The following VAX1 variants were observed in gnomAD, a reference collection of about 807,000 sequenced individuals.
VAX1 encodes the protein ventral anterior homeobox 1.
In VAX1, 6 loss-of-function variants were observed where a neutral mutation model predicts 17.6. The ratio of observed to expected loss-of-function variants is 0.34; its 90% CI spans 0.19 to 0.67. The LOEUF (loss-of-function observed/expected upper bound fraction) is 0.67. Ranked by LOEUF, VAX1 falls within the 30% of genes least tolerant of loss-of-function variation. VAX1 has a pLI of 0.69. For missense variants in VAX1, 408 were observed against 463.7 expected (o/e 0.88, Z 1.10); for synonymous variants, 256 against 227.4 (o/e 1.13, Z -1.13).
chr10:117,134,185 C>T lies in VAX1; in HGVS notation c.828G>A (p.Pro276=), dbSNP rs1041629813. The T allele has an allele frequency of 3.3e-6, 5 of 1,517,892 alleles. No individual in the cohort carries two copies. The highest frequency in any genetic ancestry group is 2.9e-5 in the African/African-American group (2 of 69,916). The allele number at this position is 1,517,892 out of a possible 1,614,324, so 94.0% of individuals were successfully genotyped here. A position where few individuals can be genotyped will look rare whatever the true frequency, so the allele number is the denominator to read the frequency against. Residue 276 remains proline (P), a synonymous_variant, in exon 3 of 3, where the codon CCG becomes CCA. Transcript: ENST00000369206. The surrounding 1 kb of genome is among the most constrained non-coding windows in gnomAD (Gnocchi z 6.2). ...PAAGHSLFSL[P]VPSLLGSVAS... is the part of the protein sequence containing the mutation. ...CGACGGAGCCGAGCAGCGAGGGCAC[C>T]GGCAGGCTGAAGAGGCTGTGGCCCG...
rs1262364530 is a variant in VAX1 at position 117,136,164 on chromosome 10, G to A, written c.429+308C>T. Among the ~76,000 whole-genome samples the A allele has an allele frequency of 6.6e-6, 1 of 152,248 alleles. No individual in the cohort carries two copies. The highest frequency in any genetic ancestry group is 1.5e-5 in the Non-Finnish European group (1 of 68,054). ...TCAGTTCTTTGTAGAGCAGAAGCTC[G>A]AAGGAAATGCTCAAAACCGGGGGAC... On this transcript the variant is annotated intron_variant, in intron 2 of 2. Transcript: ENST00000369206. The surrounding 1 kb of genome is among the most constrained non-coding windows in gnomAD (Gnocchi z 5.0).
downstream of VAX1, chr10:117,132,363 C>A: frequency 6.2e-7 from 1 of 1,610,640 alleles, no homozygotes; most frequent in Non-Finnish European, 8.5e-7. The surrounding 1 kb of genome is among the most constrained non-coding windows in gnomAD (Gnocchi z 4.9). Context: ...ATTTCACTCT[C>A]ACCACATAAA....
At chr10:117,135,104 C>A (rs1024073077) in intron 2 of VAX1, among the ~76,000 whole-genome samples, 6 of 152,160 alleles carry the variant, frequency 3.9e-5, no homozygotes, top group African/African-American at 1.2e-4. Context: ...TGGCCCAATG[C>A]GCTCGGATTT....
At chr10:117,135,081 G>A (rs1031759152) in intron 2 of VAX1, among the ~76,000 whole-genome samples, 2 of 152,172 alleles carry the variant, frequency 1.3e-5, no homozygotes, top group African/African-American at 4.8e-5. Context: ...CAGCCTTTCT[G>A]GACCCAGGCC....
In VAX1 at chr10:117,134,107, A is replaced by G. The variant is rs776736312; in HGVS notation, c.906T>C (p.Asn302=). Residue 302 remains asparagine (N), a synonymous_variant, in exon 3 of 3, where the codon AAT becomes AAC. Transcript: ENST00000369206. The surrounding 1 kb of genome is among the most constrained non-coding windows in gnomAD (Gnocchi z 6.2). ...GATATCGGGCGGAGAGTTCTTGCAA[A>G]TTCCCAGCTAGCGAACCAGCCATTG... is the stretch of plus-strand genomic sequence containing the variant. ...PLTMAGSLAG[N]LQELSARYLS... is the part of the protein sequence containing the mutation. 4.0e-5 allele frequency: 62 copies of G among 1,536,494 alleles called. No individual in the cohort carries two copies. Among genetic ancestry groups the G allele is most frequent in the Non-Finnish European group, 5.3e-5 (61 of 1,140,602 alleles).
chr10:117,137,676 C>T lies in VAX1; in HGVS notation c.241+140G>A. The T allele has an allele frequency of 1.9e-6, 3 of 1,540,604 alleles. No homozygotes were observed. Among genetic ancestry groups the T allele is most frequent in the Non-Finnish European group, 2.6e-6 (3 of 1,154,132 alleles). On this transcript the variant is annotated intron_variant, in intron 1 of 2. Coordinates refer to ENST00000369206, the MANE Select transcript of VAX1 (RefSeq NM_001112704.2). This position sits in a 1 kb window ranked among gnomAD's most constrained non-coding sequence, Gnocchi z 7.4. ...TCCCAGGCGCTTGTCCCCAGCCGGACTCGGGGCGGGGAGGGCCAACAACTT... is the reference window on the plus strand; with the variant it reads ...TCCCAGGCGCTTGTCCCCAGCCGGATTCGGGGCGGGGAGGGCCAACAACTT...
rs1451874313 is a variant in VAX1 at position 117,134,072 on chromosome 10, G to A, written c.941C>T (p.Ser314Leu). The change falls in exon 3 of 3, where the codon TCG becomes TTG. Residue 314 changes from serine to leucine, a missense_variant. By Grantham distance (145) the Ser-to-Leu change is moderately radical. Coordinates refer to ENST00000369206, the MANE Select transcript of VAX1 (RefSeq NM_001112704.2). The surrounding 1 kb of genome is among the most constrained non-coding windows in gnomAD (Gnocchi z 6.2). ...QELSARYLSS[S>L]AFEPYSRTNN... ...GGTCCGGGAGTAAGGCTCGAAGGCC[G>A]AGGAGCTCAGATATCGGGCGGAGAG... 8 of 1,535,612 alleles carry A rather than the reference G, an allele frequency of 5.2e-6. No homozygotes were observed. Among genetic ancestry groups the A allele is most frequent in the Non-Finnish European group, 6.1e-6 (7 of 1,140,192 alleles).
At chr10:117,132,581 G>A, downstream of VAX1, 1 of 1,324,042 alleles carries the variant, frequency 7.6e-7, no homozygotes, top group South Asian at 1.3e-5. This position sits in a 1 kb window ranked among gnomAD's most constrained non-coding sequence, Gnocchi z 4.9. Flanking sequence ...GCTTCAGATG[G>A]ATGAATACAT....
Position 117,137,786 on chromosome 10 carries a change from A to G in VAX1, c.241+30T>C. The G allele has an allele frequency of 6.2e-7, 1 of 1,609,812 alleles. No individual in the cohort carries two copies. Among genetic ancestry groups the G allele is most frequent in the Non-Finnish European group, 8.5e-7 (1 of 1,179,646 alleles). ...TCCGGCCCCGGAGTCGACCCCAAAGAACGCGCCTGGCAGCCCTGCCCATCC... is the reference window on the plus strand; with the variant it reads ...TCCGGCCCCGGAGTCGACCCCAAAGGACGCGCCTGGCAGCCCTGCCCATCC... On this transcript the variant is annotated intron_variant, in intron 1 of 2. Transcript: ENST00000369206. The surrounding 1 kb of genome is among the most constrained non-coding windows in gnomAD (Gnocchi z 7.4).
rs1854118484 is a variant in VAX1 at position 117,133,537 on chromosome 10, GTCC to G, written c.*468_*470del. 5.1e-6 allele frequency: 5 copies of G among 985,750 alleles called. No homozygotes were observed. The highest frequency in any genetic ancestry group is 6.0e-6 in the Non-Finnish European group (5 of 830,200). The allele number at this position is 985,750 out of a possible 1,614,324, so 61.1% of individuals were successfully genotyped here. A position where few individuals can be genotyped will look rare whatever the true frequency, so the allele number is the denominator to read the frequency against. On this transcript the variant is annotated 3_prime_UTR_variant, in exon 3 of 3. Coordinates refer to ENST00000369206, the MANE Select transcript of VAX1 (RefSeq NM_001112704.2). ...GGTTTCCCTGGCAAGAGGAAGGAAC[GTCC>G]TCCTTTTTTGGTCTAAAGAAACCTG... is the stretch of plus-strand genomic sequence containing the variant.
chr10:117,133,173 T>G (rs1854114254), downstream of VAX1: 1 of 641,386 alleles, frequency 1.6e-6, no homozygotes, highest in African/African-American at 2.0e-5. Context: ...CTGTTTAAAG[T>G]TACAACACCC....
chr10:117,131,519 G>A (rs1210021278), downstream of VAX1: 1 of 152,330 alleles, frequency 6.6e-6, no homozygotes, highest in Non-Finnish European at 1.5e-5. Flanking sequence ...TTCAGCTTCA[G>A]GCACAGTACA....
downstream of VAX1, chr10:117,131,258 G>A (rs1854079635): frequency 6.6e-6 from 1 of 152,400 alleles, no homozygotes; most frequent in African/African-American, 2.4e-5. Flanking sequence ...GGAAGCGCAG[G>A]CGTTTACGGG....
chr10:117,132,470 C>T, downstream of VAX1: 1 of 1,607,638 alleles, frequency 6.2e-7, no homozygotes, highest in African/African-American at 1.3e-5. This position sits in a 1 kb window ranked among gnomAD's most constrained non-coding sequence, Gnocchi z 4.9. Flanking sequence ...ATTTTCTTCA[C>T]TATTTGCCTA....
downstream of VAX1, chr10:117,132,371 A>T: frequency 6.2e-7 from 1 of 1,610,956 alleles, no homozygotes; most frequent in Non-Finnish European, 8.5e-7. The surrounding 1 kb of genome is among the most constrained non-coding windows in gnomAD (Gnocchi z 4.9). Context: ...CTCACCACAT[A>T]AATACAAAAC....
chr10:117,132,576 A>G (rs2133658330), downstream of VAX1: 2 of 1,361,286 alleles, frequency 1.5e-6, no homozygotes, highest in African/African-American at 1.5e-5. This position sits in a 1 kb window ranked among gnomAD's most constrained non-coding sequence, Gnocchi z 4.9. Flanking sequence ...CGCTTGCTTC[A>G]GATGGATGAA....
At chr10:117,128,698 C>T (rs1211428515), downstream of VAX1, 1 of 152,138 alleles carries the variant, frequency 6.6e-6, no homozygotes, top group East Asian at 1.9e-4. Context: ...TTTCAGCTTC[C>T]ATGTCCATTG....
Position 117,138,089 on chromosome 10 carries a change from A to T in VAX1, c.-33T>A. ...AACAACAACAAAAACAGAAAGGAAA[A>T]AAAAAGCAAAAAAAAAAAAAAGGGG... is the stretch of plus-strand genomic sequence containing the variant. On this transcript the variant is annotated 5_prime_UTR_variant, in exon 1 of 3. Coordinates refer to ENST00000369206, the MANE Select transcript of VAX1 (RefSeq NM_001112704.2). 13 of 741,810 alleles carry T rather than the reference A, an allele frequency of 1.8e-5. No homozygotes were observed. The highest frequency in any genetic ancestry group is 1.7e-5 in the Non-Finnish European group (9 of 530,190). The allele number at this position is 741,810 out of a possible 1,614,324, so 46.0% of individuals were successfully genotyped here.
chr10:117,132,153 G>A (rs777551291), downstream of VAX1: 81 of 1,555,750 alleles, frequency 5.2e-5, no homozygotes, highest in Non-Finnish European at 6.8e-5. The surrounding 1 kb of genome is among the most constrained non-coding windows in gnomAD (Gnocchi z 4.9). Context: ...CCGGAAACCC[G>A]AAATCCGCCC....
Sources: gnomAD v4.1 joint callset for allele counts (sites outside exome capture counted in the v4.1 genomes callset) on GRCh38, gnomAD v4.1.1 for gene constraint, Gnocchi (gnomAD v3.1) non-coding constraint, MANE v1.5 for transcripts, NCBI Gene and HGNC (gene_info 2026-07-23, HGNC 2026-07-21) for gene names.